The following RPS6KC1 variants were observed in gnomAD, a reference collection of about 807,000 sequenced individuals.
RPS6KC1 encodes the protein inactive ribosomal protein S6 kinase delta-1.
Under a neutral mutation model 103.8 loss-of-function variants are expected in RPS6KC1, and 54 were observed. The ratio of observed to expected loss-of-function variants is 0.52; its 90% CI spans 0.42 to 0.65. RPS6KC1 has a LOEUF of 0.65. Among genes scored for constraint, RPS6KC1 ranks in the 30% least tolerant of loss-of-function variants. The probability of loss-of-function intolerance (pLI) is 0.00; values close to 1 mark genes in which losing one functional copy is unlikely to be tolerated. For missense variants in RPS6KC1, 1,151 were observed against 1,253.8 expected, an observed-to-expected ratio of 0.92 and a Z score of 1.24; for synonymous variants, 439 against 438.7, an observed-to-expected ratio of 1.00 and a Z score of -0.01.
At chr1:213,694,633 G>C in the RPS6KC1 span, among the ~76,000 whole-genome samples, 1 of 152,084 alleles carries the variant, frequency 6.6e-6, no homozygotes, top group Non-Finnish European at 1.5e-5. Context: ...TCTGTTTCTT[G>C]CAACACCCAG....
intron 8 of RPS6KC1, among the ~76,000 whole-genome samples, chr1:213,180,380 T>G (rs2092191628): frequency 6.6e-6 from 1 of 152,216 alleles, no homozygotes. Flanking sequence ...AGGATATAAC[T>G]AGAACCAAAT....
chr1:213,338,503 T>C, the RPS6KC1 span, among the ~76,000 whole-genome samples: 2 of 152,230 alleles, frequency 1.3e-5, no homozygotes, highest in Admixed American at 1.3e-4. Context: ...GGATCCTCTA[T>C]GGGACCTACC....
At chr1:213,692,635 A>C in the RPS6KC1 span, among the ~76,000 whole-genome samples, 2 of 152,002 alleles carry the variant, frequency 1.3e-5, no homozygotes, top group Non-Finnish European at 2.9e-5. Flanking sequence ...TGTTTACTGG[A>C]GTTGTACATG....
the RPS6KC1 span, among the ~76,000 whole-genome samples, chr1:213,859,976 C>CAA: frequency 2.8e-5 from 4 of 143,710 alleles, no homozygotes; most frequent in African/African-American, 1.0e-4. Context: ...ACAGTCTAAA[C>CAA]AAAAAAAAAA....
the RPS6KC1 span, among the ~76,000 whole-genome samples, chr1:213,640,109 T>C: frequency 6.6e-6 from 1 of 152,086 alleles, no homozygotes; most frequent in Admixed American, 6.6e-5. Context: ...TGTTATCTAC[T>C]TCATCTTGAG....
chr1:213,569,192 G>C, the RPS6KC1 span, among the ~76,000 whole-genome samples: 1 of 152,166 alleles, frequency 6.6e-6, no homozygotes, highest in African/African-American at 2.4e-5. Context: ...TTTGCTCCTT[G>C]CTGTTGGGTG....
chr1:213,092,091 A>G (rs1052054823), intron 3 of RPS6KC1, among the ~76,000 whole-genome samples: 1 of 152,000 alleles, frequency 6.6e-6, no homozygotes, highest in Admixed American at 6.6e-5. Context: ...TTGCTTTTAG[A>G]TCATCAGTGC....
chr1:213,781,911 C>A, the RPS6KC1 span, among the ~76,000 whole-genome samples: 3 of 152,104 alleles, frequency 2.0e-5, no homozygotes, highest in Admixed American at 2.0e-4. Flanking sequence ...GAAAATGAAC[C>A]ATTTTTGTGT....
At chr1:213,600,801 C>G in the RPS6KC1 span, among the ~76,000 whole-genome samples, 1 of 152,196 alleles carries the variant, frequency 6.6e-6, no homozygotes, top group African/African-American at 2.4e-5. Context: ...TTCCTTGATG[C>G]AATAGTCTCA....
At chr1:213,742,727 A>C in the RPS6KC1 span, among the ~76,000 whole-genome samples, 2 of 152,244 alleles carry the variant, frequency 1.3e-5, no homozygotes, top group African/African-American at 2.4e-5. Context: ...GGCTCATGCA[A>C]TGCAGGCCAA....
the RPS6KC1 span, among the ~76,000 whole-genome samples, chr1:213,467,601 T>C: frequency 4.3e-4 from 65 of 152,190 alleles, no homozygotes; most frequent in African/African-American, 1.5e-3. Context: ...TTCTTGGTTT[T>C]TGTTTTTGGC....
the RPS6KC1 span, among the ~76,000 whole-genome samples, chr1:213,715,568 G>A: frequency 2.6e-5 from 4 of 152,234 alleles, no homozygotes; most frequent in African/African-American, 9.6e-5. Context: ...GAGAATTCTA[G>A]TTGACATTCA....
the RPS6KC1 span, among the ~76,000 whole-genome samples, chr1:213,342,580 C>T: frequency 8.8e-4 from 134 of 152,172 alleles, no homozygotes; most frequent in African/African-American, 3.0e-3. Flanking sequence ...ATGTTCCCAT[C>T]GATGTACCCT....
the RPS6KC1 span, among the ~76,000 whole-genome samples, chr1:213,593,688 C>T: frequency 2.6e-5 from 4 of 151,598 alleles, no homozygotes; most frequent in Non-Finnish European, 2.9e-5. Flanking sequence ...AAGATACGAG[C>T]GAAGGTCTGT....
the RPS6KC1 span, among the ~76,000 whole-genome samples, chr1:213,560,710 A>G: frequency 6.6e-6 from 1 of 152,190 alleles, no homozygotes; most frequent in Admixed American, 6.5e-5. Flanking sequence ...TTTTGTGATA[A>G]TTTTTTACTC....
chr1:213,641,222 T>A, the RPS6KC1 span, among the ~76,000 whole-genome samples: 1 of 152,028 alleles, frequency 6.6e-6, no homozygotes, highest in Non-Finnish European at 1.5e-5. Flanking sequence ...TGCTTTCAGC[T>A]CTTTGTTAGA....
At chr1:213,654,581 C>T in the RPS6KC1 span, among the ~76,000 whole-genome samples, 2 of 152,150 alleles carry the variant, frequency 1.3e-5, no homozygotes, top group African/African-American at 4.8e-5. Context: ...AGGAATGTCT[C>T]AAAACACCAT....
At chr1:213,828,691 C>T in the RPS6KC1 span, among the ~76,000 whole-genome samples, 11 of 152,268 alleles carry the variant, frequency 7.2e-5, no homozygotes, top group Non-Finnish European at 1.0e-4. Context: ...GGCCCAACCC[C>T]TCACACTGGG....
At chr1:213,333,634 A>G in the RPS6KC1 span, among the ~76,000 whole-genome samples, 1 of 152,140 alleles carries the variant, frequency 6.6e-6, no homozygotes, top group African/African-American at 2.4e-5. Flanking sequence ...TTCGATAACA[A>G]GAAGGGCTGG....
Sources: allele counts gnomAD v4.1 joint callset (sites outside exome capture counted in the v4.1 genomes callset), GRCh38; gene constraint gnomAD v4.1.1; transcripts MANE v1.5; gene names NCBI Gene and HGNC (gene_info 2026-07-23, HGNC 2026-07-21).